GNG2: variants seen among roughly 807,000 people sequenced by gnomAD.
GNG2 encodes the protein guanine nucleotide-binding protein G(I)/G(S)/G(O) subunit gamma-2.
In GNG2, 5 loss-of-function variants were observed where a neutral mutation model predicts 5.5. That is an observed-to-expected ratio of 0.91 (90% CI 0.48 to 1.92). The LOEUF (loss-of-function observed/expected upper bound fraction) is 1.92. Ranked by LOEUF, GNG2 falls within the 30% of genes most tolerant of loss-of-function variation. GNG2 has a pLI of 0.01. For synonymous variants in GNG2, 28 were observed against 32.0 expected (o/e 0.88, Z 0.42); for missense variants, 55 against 88.4 (o/e 0.62, Z 1.52).
chr14:51,835,255 C>G (rs1236654346), intron 2 of GNG2, among the ~76,000 whole-genome samples: 1 of 152,160 alleles, frequency 6.6e-6, no homozygotes, highest in Non-Finnish European at 1.5e-5. Context: ...GCATAAAGGG[C>G]CAGAAAGTAG....
At chr14:51,832,400 C>G (rs1253780922) in intron 2 of GNG2, among the ~76,000 whole-genome samples, 4 of 152,002 alleles carry the variant, frequency 2.6e-5, no homozygotes, top group African/African-American at 9.7e-5. Flanking sequence ...AATATGATTG[C>G]TAATTAGATA....
At chr14:51,835,396 C>G (rs760357602) in intron 2 of GNG2, among the ~76,000 whole-genome samples, 1 of 152,210 alleles carries the variant, frequency 6.6e-6, no homozygotes, top group African/African-American at 2.4e-5. Flanking sequence ...GTTCTCCCAG[C>G]TGTCTTTAGC....
intron 2 of GNG2, among the ~76,000 whole-genome samples, chr14:51,895,928 C>T (rs1319293446): frequency 6.6e-6 from 1 of 152,096 alleles, no homozygotes; most frequent in Non-Finnish European, 1.5e-5. Flanking sequence ...ACGTGACTTA[C>T]TCATCCTGGT....
At chr14:51,871,800 C>T (rs1020178765) in intron 1 of GNG2, among the ~76,000 whole-genome samples, 6 of 152,114 alleles carry the variant, frequency 3.9e-5, no homozygotes, top group Non-Finnish European at 7.4e-5. Context: ...CTATTATTGT[C>T]GGATGTCGTT....
chr14:51,827,495 T>C (rs1201851945), intron 1 of GNG2, among the ~76,000 whole-genome samples: 4 of 152,204 alleles, frequency 2.6e-5, no homozygotes, highest in African/African-American at 9.6e-5. Context: ...GAAGAAATCC[T>C]GGTCCCGGTG....
intron 2 of GNG2, among the ~76,000 whole-genome samples, chr14:51,905,906 C>T (rs1281692783): frequency 2.0e-5 from 3 of 152,148 alleles, no homozygotes; most frequent in East Asian, 1.9e-4. Context: ...CCACTTATGC[C>T]GTTATTGTAA....
intron 2 of GNG2, among the ~76,000 whole-genome samples, chr14:51,838,020 A>T (rs1881381510): frequency 6.6e-6 from 1 of 152,018 alleles, no homozygotes; most frequent in African/African-American, 2.4e-5. Context: ...GAATCAGATA[A>T]TCACCCCCTC....
intron 2 of GNG2, among the ~76,000 whole-genome samples, chr14:51,829,845 CTTTT>C (rs35713457): frequency 7.3e-6 from 1 of 137,848 alleles, no homozygotes; most frequent in African/African-American, 2.7e-5. Flanking sequence ...CCTACTTCTT[CTTTT>C]TTTTTTTTTT....
chr14:51,942,377 A>C (rs897606232), intron 2 of GNG2, among the ~76,000 whole-genome samples: 1 of 151,952 alleles, frequency 6.6e-6, no homozygotes, highest in Non-Finnish European at 1.5e-5. Context: ...TAGAGTCTCC[A>C]CTTCTGCACA....
At chr14:51,905,698 G>A (rs1415653722) in intron 2 of GNG2, among the ~76,000 whole-genome samples, 15 of 152,188 alleles carry the variant, frequency 9.9e-5, no homozygotes, top group African/African-American at 3.6e-4. Flanking sequence ...CTCATCTTGA[G>A]TTGTAGTTCC....
intron 1 of GNG2, among the ~76,000 whole-genome samples, chr14:51,867,071 G>A (rs1882945466): frequency 2.0e-5 from 3 of 151,826 alleles, no homozygotes; most frequent in Non-Finnish European, 1.5e-5. Flanking sequence ...TTTTCCATAC[G>A]CACACAAAGT....
chr14:51,837,516 G>A (rs1231393367), intron 2 of GNG2, among the ~76,000 whole-genome samples: 7 of 151,710 alleles, frequency 4.6e-5, no homozygotes, highest in Admixed American at 4.6e-4. Flanking sequence ...GTGTGGGGTC[G>A]CATGCCTGTA....
At position 51,967,484 on chromosome 14, in the gene GNG2, T is replaced by G. The variant is rs1889992730; in HGVS notation, c.*797T>G. On this transcript the variant is annotated 3_prime_UTR_variant, in exon 4 of 4. Transcript: ENST00000556766. The stretch of plus-strand genomic sequence containing the variant: ...TGAAAATGTCCCTATGTTACATCCA[T>G]TCAGAAGTTTTGTTGTTTTACTCTA... 6.6e-6 allele frequency: 1 copy of G among 152,090 alleles called. No individual in the cohort carries two copies. The highest frequency in any genetic ancestry group is 1.5e-5 in the Non-Finnish European group (1 of 68,022). The allele number at this position is 152,090 out of a possible 1,614,324, so 9.4% of individuals were successfully genotyped here.
intron 3 of GNG2, 31 bp from the exon 4 acceptor site, chr14:51,966,528 C>T (rs1290079852): frequency 1.2e-6 from 2 of 1,607,252 alleles, no homozygotes; most frequent in African/African-American, 1.3e-5. Flanking sequence ...TACCAGACTC[C>T]AGTGTTGGTT....
intron 2 of GNG2, among the ~76,000 whole-genome samples, chr14:51,830,824 T>G (rs1253027020): frequency 6.6e-6 from 1 of 152,228 alleles, no homozygotes; most frequent in East Asian, 1.9e-4. Context: ...GTGCACCTTT[T>G]CTAACATGAG....
rs1026656121 is a variant in GNG2 at position 51,909,212 on chromosome 14, T to A, written c.-30+31555T>A. The stretch of plus-strand genomic sequence containing the variant: ...AACTTTACCAGAATTATCTAGCCAG[T>A]CTCTACTGTTGGATAATTGAGCTTT... On this transcript the variant is annotated intron_variant, in intron 2 of 3. Coordinates refer to ENST00000556766, the MANE Select transcript of GNG2 (RefSeq NM_053064.5). Among the ~76,000 whole-genome samples, 35 of 152,332 alleles carry A rather than the reference T, an allele frequency of 2.3e-4. 1 individual carries two copies. The highest frequency in any genetic ancestry group is 7.7e-4 in the African/African-American group (32 of 41,576).
intron 2 of GNG2, among the ~76,000 whole-genome samples, chr14:51,835,472 C>T (rs1467175419): frequency 6.6e-6 from 1 of 152,192 alleles, no homozygotes; most frequent in African/African-American, 2.4e-5. Context: ...CTGTCTTCCC[C>T]AGTTGCCTCT....
At chr14:51,831,395 A>G (rs530672383) in intron 2 of GNG2, among the ~76,000 whole-genome samples, 17 of 152,376 alleles carry the variant, frequency 1.1e-4, no homozygotes, top group Admixed American at 2.0e-4. Context: ...CCCAGTACTT[A>G]GAACAATGTC....
chr14:51,928,543 TC>T (rs1887472863), intron 2 of GNG2, among the ~76,000 whole-genome samples: 1 of 152,132 alleles, frequency 6.6e-6, no homozygotes, highest in African/African-American at 2.4e-5. Context: ...CCTTGTGTGT[TC>T]CACCCTACCA....
Sources: gnomAD v4.1 joint callset for allele counts (sites outside exome capture counted in the v4.1 genomes callset) on GRCh38, gnomAD v4.1.1 for gene constraint, MANE v1.5 for transcripts, NCBI Gene and HGNC (gene_info 2026-07-23, HGNC 2026-07-21) for gene names.